SHISA9: variants seen among roughly 807,000 people sequenced by gnomAD.
SHISA9 encodes the protein shisa family member 9.
A neutral mutation model predicts 38.0 loss-of-function variants in SHISA9; 13 were observed. The ratio of observed to expected loss-of-function variants is 0.34; its 90% CI spans 0.22 to 0.54. SHISA9 has a LOEUF of 0.54. Ranked by LOEUF, SHISA9 falls within the 20% of genes least tolerant of loss-of-function variation. The probability of loss-of-function intolerance (pLI) is 0.91; values close to 1 mark genes in which losing one functional copy is unlikely to be tolerated. For synonymous variants in SHISA9, 275 were observed against 242.0 expected (o/e 1.14, Z -1.27); for missense variants, 538 against 575.8 (o/e 0.93, Z 0.67).
the SHISA9 span, among the ~76,000 whole-genome samples, chr16:13,391,017 A>C: frequency 6.6e-6 from 1 of 152,210 alleles, no homozygotes; most frequent in East Asian, 1.9e-4. Context: ...AGTAAAGAAA[A>C]GGGGAGACAA....
At chr16:13,109,408 G>A (rs969003162) in intron 2 of SHISA9, among the ~76,000 whole-genome samples, 3 of 152,104 alleles carry the variant, frequency 2.0e-5, no homozygotes, top group Admixed American at 1.3e-4. Context: ...CCACCTGCTT[G>A]CATCTCTCCT....
intron 2 of SHISA9, among the ~76,000 whole-genome samples, chr16:13,154,635 G>A (rs1419208727): frequency 6.6e-6 from 1 of 152,236 alleles, no homozygotes; most frequent in East Asian, 1.9e-4. Context: ...TTTTGAGGCT[G>A]TTGGATGCAG....
chr16:13,057,092 G>A (rs76371839), intron 2 of SHISA9, among the ~76,000 whole-genome samples: 62 of 152,300 alleles, frequency 4.1e-4, no homozygotes, highest in African/African-American at 1.4e-3. Flanking sequence ...GGTGCTATAG[G>A]CCCGCTAGCA....
At chr16:13,245,350 G>A (rs2051464155), downstream of SHISA9, among the ~76,000 whole-genome samples, 1 of 152,158 alleles carries the variant, frequency 6.6e-6, no homozygotes, top group African/African-American at 2.4e-5. Context: ...CTCTGCAGGT[G>A]TGTGGGTCCC....
chr16:13,138,247 G>A (rs1329180615), intron 2 of SHISA9, among the ~76,000 whole-genome samples: 2 of 152,162 alleles, frequency 1.3e-5, no homozygotes, highest in Non-Finnish European at 1.5e-5. Flanking sequence ...CAGAGCAACT[G>A]AATCAGAAGC....
intron 2 of SHISA9, among the ~76,000 whole-genome samples, chr16:13,169,864 G>A (rs920746149): frequency 6.6e-6 from 1 of 152,134 alleles, no homozygotes; most frequent in Non-Finnish European, 1.5e-5. Context: ...TGGCATGGCA[G>A]TCTGGTTATG....
At chr16:13,207,445 T>C (rs933534937) in intron 3 of SHISA9, among the ~76,000 whole-genome samples, 1 of 150,674 alleles carries the variant, frequency 6.6e-6, no homozygotes, top group Non-Finnish European at 1.5e-5. Context: ...GTTGAATGAA[T>C]GAATGAGCTT....
At chr16:13,184,532 A>G (rs2142034260) in intron 2 of SHISA9, among the ~76,000 whole-genome samples, 1 of 152,340 alleles carries the variant, frequency 6.6e-6, no homozygotes, top group East Asian at 1.9e-4. Flanking sequence ...ATGAGTTTTG[A>G]CAAATGCGTA....
chr16:13,169,179 C>T lies in SHISA9; in HGVS notation c.692-34215C>T, dbSNP rs74728026. Among the ~76,000 whole-genome samples the T allele has an allele frequency of 3.0e-3, 451 of 152,318 alleles. 1 individual carries two copies. The highest frequency in any genetic ancestry group is 0.01 in the African/African-American group (428 of 41,566). The stretch of plus-strand genomic sequence containing the variant: ...TACAGTTGTCATGGGATCTTCACCC[C>T]TCCCAGCTCCATTGGAAGGTCAGTT... On this transcript the variant is annotated intron_variant, in intron 2 of 4. Coordinates refer to ENST00000558583, the MANE Select transcript of SHISA9 (RefSeq NM_001145204.3).
intron 2 of SHISA9, among the ~76,000 whole-genome samples, chr16:13,164,749 C>A (rs1455067203): frequency 6.6e-6 from 1 of 151,904 alleles, no homozygotes; most frequent in African/African-American, 2.4e-5. Context: ...TAATTTTATT[C>A]ATAGGTTATT....
At chr16:13,418,766 A>G in the SHISA9 span, among the ~76,000 whole-genome samples, 1 of 152,362 alleles carries the variant, frequency 6.6e-6, no homozygotes, top group East Asian at 1.9e-4. Context: ...CATAAGGACT[A>G]TAAGTAATAA....
chr16:13,273,680 CA>C, the SHISA9 span, among the ~76,000 whole-genome samples: 6 of 152,140 alleles, frequency 3.9e-5, no homozygotes, highest in Non-Finnish European at 7.3e-5. Context: ...TCGCTAGAAT[CA>C]CTCTTTGTCT....
intron 2 of SHISA9, among the ~76,000 whole-genome samples, chr16:13,084,466 G>T (rs1787096885): frequency 6.6e-6 from 1 of 152,214 alleles, no homozygotes; most frequent in South Asian, 2.1e-4. Context: ...AGGTGCCTTA[G>T]AGTGAGAATG....
the SHISA9 span, among the ~76,000 whole-genome samples, chr16:13,448,732 G>A: frequency 6.6e-6 from 1 of 152,344 alleles, no homozygotes; most frequent in East Asian, 1.9e-4. Context: ...ATTCTTCAGA[G>A]TGAATACCAA....
chr16:12,950,074 G>A (rs1460632173), intron 2 of SHISA9, among the ~76,000 whole-genome samples: 2 of 152,118 alleles, frequency 1.3e-5, no homozygotes, highest in African/African-American at 4.8e-5. Context: ...CTAGCTCCTT[G>A]AGATAAACTT....
At chr16:13,105,478 C>G (rs941064089) in intron 2 of SHISA9, among the ~76,000 whole-genome samples, 17 of 152,288 alleles carry the variant, frequency 1.1e-4, no homozygotes, top group African/African-American at 3.6e-4. Context: ...TTTTGCAATG[C>G]TTCTCATAGA....
chr16:13,417,097 C>A, the SHISA9 span, among the ~76,000 whole-genome samples: 1 of 152,144 alleles, frequency 6.6e-6, no homozygotes, highest in Non-Finnish European at 1.5e-5. Flanking sequence ...TTGCCGAAGG[C>A]ACCTTTTGGA....
intron 2 of SHISA9, among the ~76,000 whole-genome samples, chr16:13,145,771 A>G (rs978581948): frequency 6.6e-6 from 1 of 152,260 alleles, no homozygotes; most frequent in Non-Finnish European, 1.5e-5. Flanking sequence ...TTACCTTAAC[A>G]GATACTTACT....
At chr16:13,127,477 AAG>A (rs151051782) in intron 2 of SHISA9, among the ~76,000 whole-genome samples, 4 of 152,012 alleles carry the variant, frequency 2.6e-5, no homozygotes, top group Admixed American at 6.6e-5. Flanking sequence ...AAACAAGTAA[AAG>A]AGGAAAGAAA....
Sources: allele counts gnomAD v4.1 joint callset (sites outside exome capture counted in the v4.1 genomes callset), GRCh38; gene constraint gnomAD v4.1.1; transcripts MANE v1.5; gene names NCBI Gene and HGNC (gene_info 2026-07-23, HGNC 2026-07-21).